The following PTPRT variants were observed in gnomAD, a reference collection of about 807,000 sequenced individuals.
The protein encoded by PTPRT is receptor-type tyrosine-protein phosphatase T.
PTPRT carries 56 observed loss-of-function variants against 176.8 expected under a neutral mutation model. That is an observed-to-expected ratio of 0.32 (90% CI 0.26 to 0.40). The LOEUF (loss-of-function observed/expected upper bound fraction) is 0.40, where lower values mean the gene tolerates loss of function less well. Ranked by LOEUF, PTPRT falls within the 10% of genes least tolerant of loss-of-function variation. PTPRT has a pLI of 1.00. For missense variants in PTPRT, 1,540 were observed against 1,908.2 expected (o/e 0.81, Z 3.60); for synonymous variants, 783 against 739.0 (o/e 1.06, Z -0.96).
At chr20:42,675,880 G>C (rs1209316018) in intron 7 of PTPRT, among the ~76,000 whole-genome samples, 1 of 152,172 alleles carries the variant, frequency 6.6e-6, no homozygotes. Context: ...CATTCTGCTG[G>C]ATGGCTTTTA....
chr20:42,507,853 CT>C (rs5841463), intron 7 of PTPRT, among the ~76,000 whole-genome samples: 21,633 of 138,982 alleles, frequency 0.16, 1,651 homozygotes, highest in East Asian at 0.21. Flanking sequence ...ACTCACAGGA[CT>C]TTTTTTTTTT....
intron 3 of PTPRT, among the ~76,000 whole-genome samples, chr20:42,788,420 C>T (rs2077323910): frequency 6.6e-6 from 1 of 152,160 alleles, no homozygotes; most frequent in Non-Finnish European, 1.5e-5. Flanking sequence ...CTCACTTCCT[C>T]TTTTATTTCT....
At chr20:42,147,984 G>T (rs6093579) in intron 17 of PTPRT, among the ~76,000 whole-genome samples, 20,294 of 152,148 alleles carry the variant, frequency 0.13, 3,490 homozygotes, top group African/African-American at 0.4. Context: ...ATGAAAGAGA[G>T]ACTCATTTCC....
At chr20:43,091,856 T>A (rs571854931) in intron 1 of PTPRT, among the ~76,000 whole-genome samples, 66 of 152,224 alleles carry the variant, frequency 4.3e-4, no homozygotes, top group Non-Finnish European at 6.0e-4. Context: ...GAAGAAGACA[T>A]CCGCTTCCTC....
At chr20:42,644,880 C>G (rs2074852878) in intron 7 of PTPRT, among the ~76,000 whole-genome samples, 1 of 152,152 alleles carries the variant, frequency 6.6e-6, no homozygotes, top group African/African-American at 2.4e-5. Flanking sequence ...TGTGCTCTTC[C>G]ATTTCTCATT....
chr20:42,043,647 C>G, the PTPRT span, among the ~76,000 whole-genome samples: 3 of 152,180 alleles, frequency 2.0e-5, no homozygotes, highest in Non-Finnish European at 2.9e-5. Flanking sequence ...CCGCTGTGGA[C>G]ATGGAACATG....
intron 4 of PTPRT, among the ~76,000 whole-genome samples, chr20:42,774,142 T>TTATCTACTACAAGA (rs2077100943): frequency 6.6e-6 from 1 of 152,226 alleles, no homozygotes; most frequent in Admixed American, 6.5e-5. Context: ...AATGAACGCA[T>TTATCTACTACAAGA]GCACCTACAA....
chr20:42,462,718 C>T (rs1048153839), intron 8 of PTPRT, among the ~76,000 whole-genome samples: 2 of 152,080 alleles, frequency 1.3e-5, no homozygotes, highest in African/African-American at 4.8e-5. Context: ...GGATAGAGCT[C>T]TTGTTTTGTT....
chr20:42,656,545 A>G (rs2075128603), intron 7 of PTPRT, among the ~76,000 whole-genome samples: 1 of 152,196 alleles, frequency 6.6e-6, no homozygotes, highest in South Asian at 2.1e-4. Context: ...ATGTCCAAAT[A>G]AACAAAGCTG....
intron 1 of PTPRT, among the ~76,000 whole-genome samples, chr20:43,088,098 C>G (rs2011675861): frequency 6.6e-6 from 1 of 152,094 alleles, no homozygotes; most frequent in Non-Finnish European, 1.5e-5. Flanking sequence ...TACCTGGATC[C>G]AACCACTACA....
intron 16 of PTPRT, among the ~76,000 whole-genome samples, chr20:42,199,025 A>G (rs1991342201): frequency 6.6e-6 from 1 of 152,092 alleles, no homozygotes; most frequent in South Asian, 2.1e-4. Context: ...TCCCATTTCC[A>G]TCTGATTTGG....
chr20:42,393,878 A>C (rs1159588084), intron 9 of PTPRT, among the ~76,000 whole-genome samples: 1 of 152,186 alleles, frequency 6.6e-6, no homozygotes, highest in Non-Finnish European at 1.5e-5. Context: ...GCGTTGGGTG[A>C]GTAAAGAGGG....
intron 7 of PTPRT, among the ~76,000 whole-genome samples, chr20:42,587,364 G>A (rs561738201): frequency 1.8e-4 from 27 of 152,292 alleles, no homozygotes; most frequent in South Asian, 1.5e-3. Context: ...AGAATCCACC[G>A]AAAGGTATGA....
the PTPRT span, among the ~76,000 whole-genome samples, chr20:42,054,446 T>C: frequency 2.0e-5 from 3 of 152,204 alleles, no homozygotes; most frequent in African/African-American, 2.4e-5. Context: ...ACTGTGCCAA[T>C]GATTTTAGCT....
At chr20:42,446,588 G>C (rs1440497396) in intron 9 of PTPRT, among the ~76,000 whole-genome samples, 1 of 140,792 alleles carries the variant, frequency 7.1e-6, no homozygotes, top group African/African-American at 2.8e-5. Context: ...AAATGTGTGT[G>C]TGTGTGTGTG....
intron 7 of PTPRT, among the ~76,000 whole-genome samples, chr20:42,523,086 T>C (rs1460398929): frequency 2.0e-5 from 3 of 152,206 alleles, no homozygotes; most frequent in Non-Finnish European, 2.9e-5. Flanking sequence ...TCCAGACACA[T>C]AAGGTCTTAC....
chr20:42,216,635 T>C (rs1600689313), intron 15 of PTPRT, among the ~76,000 whole-genome samples: 1 of 152,364 alleles, frequency 6.6e-6, no homozygotes, highest in South Asian at 2.1e-4. Flanking sequence ...CCCACAATGT[T>C]GTAAAAGCTT....
chr20:42,521,822 C>T (rs941123560), intron 7 of PTPRT, among the ~76,000 whole-genome samples: 1 of 152,228 alleles, frequency 6.6e-6, no homozygotes, highest in African/African-American at 2.4e-5. Context: ...CAAAGCATTG[C>T]TGCCAAAAGA....
At chr20:42,343,295 C>T (rs1181685161) in intron 11 of PTPRT, among the ~76,000 whole-genome samples, 5 of 152,170 alleles carry the variant, frequency 3.3e-5, no homozygotes, top group African/African-American at 1.2e-4. Context: ...CCTCCCTCGG[C>T]ATCTATTGGC....
Sources: allele counts gnomAD v4.1 joint callset (sites outside exome capture counted in the v4.1 genomes callset), GRCh38; gene constraint gnomAD v4.1.1; transcripts MANE v1.5; gene names NCBI Gene and HGNC (gene_info 2026-07-23, HGNC 2026-07-21).